The following MAGI2 variants were observed in gnomAD, a reference collection of about 807,000 sequenced individuals.
MAGI2 encodes membrane associated guanylate kinase, WW and PDZ domain containing 2, also known as membrane-associated guanylate kinase, WW and PDZ domain-containing protein 2.
A neutral mutation model predicts 133.3 loss-of-function variants in MAGI2; 35 were observed. The ratio of observed to expected loss-of-function variants is 0.26; its 90% CI spans 0.20 to 0.35. MAGI2 has a LOEUF of 0.35. Among genes scored for constraint, MAGI2 ranks in the 10% least tolerant of loss-of-function variants. The probability of loss-of-function intolerance (pLI) is 1.00; values close to 1 mark genes in which losing one functional copy is unlikely to be tolerated. For synonymous variants in MAGI2, 729 were observed against 710.6 expected (o/e 1.03, Z -0.41); for missense variants, 1,636 against 1,863.4 (o/e 0.88, Z 2.25).
intron 13 of MAGI2, among the ~76,000 whole-genome samples, chr7:78,183,926 A>G (rs905585847): frequency 1.3e-5 from 2 of 152,258 alleles, no homozygotes; most frequent in African/African-American, 4.8e-5. Context: ...ACTTGTGTGG[A>G]CATTCAACCA....
At chr7:78,856,607 C>G (rs1793656202) in intron 2 of MAGI2, among the ~76,000 whole-genome samples, 1 of 152,154 alleles carries the variant, frequency 6.6e-6, no homozygotes, top group African/African-American at 2.4e-5. Context: ...TTCCATTGGT[C>G]TATATCTCTG....
intron 2 of MAGI2, among the ~76,000 whole-genome samples, chr7:78,784,898 A>G (rs557028924): frequency 6.6e-6 from 1 of 152,294 alleles, no homozygotes; most frequent in South Asian, 2.1e-4. Flanking sequence ...GAAAGGTATA[A>G]TCTTTCCATC....
At chr7:79,223,250 G>C (rs1189960853) in intron 1 of MAGI2, among the ~76,000 whole-genome samples, 1 of 151,982 alleles carries the variant, frequency 6.6e-6, no homozygotes, top group Non-Finnish European at 1.5e-5. Flanking sequence ...CATTTATGTT[G>C]TTTTTAAATG....
chr7:79,425,884 T>C (rs1480367401), intron 1 of MAGI2, among the ~76,000 whole-genome samples: 3 of 152,058 alleles, frequency 2.0e-5, no homozygotes, highest in African/African-American at 7.2e-5. Flanking sequence ...GTGCAGATTG[T>C]TTAACGACAA....
At chr7:79,022,933 G>A (rs992163371) in intron 1 of MAGI2, among the ~76,000 whole-genome samples, 1 of 152,000 alleles carries the variant, frequency 6.6e-6, no homozygotes, top group Non-Finnish European at 1.5e-5. Context: ...ATAAGGAAGA[G>A]CTGGTACTAT....
At chr7:79,425,229 G>A (rs542320186) in intron 1 of MAGI2, among the ~76,000 whole-genome samples, 11 of 150,384 alleles carry the variant, frequency 7.3e-5, no homozygotes, top group African/African-American at 2.7e-4. Flanking sequence ...TCCAGCCTGG[G>A]CGACAGAGCG....
chr7:78,309,231 T>C (rs141724763), intron 9 of MAGI2, among the ~76,000 whole-genome samples: 2,221 of 152,314 alleles, frequency 0.015, 34 homozygotes, highest in South Asian at 0.061. Context: ...AAAAGACACA[T>C]GCATTTGTAT....
intron 21 of MAGI2, chr7:78,065,472 A>C: frequency 1.7e-6 from 1 of 573,944 alleles, no homozygotes; most frequent in Non-Finnish European, 3.1e-6. Context: ...AGAAATAATT[A>C]GACAAGCTAC....
intron 1 of MAGI2, among the ~76,000 whole-genome samples, chr7:79,306,261 TTA>T (rs1384807990): frequency 6.8e-6 from 1 of 146,752 alleles, no homozygotes; most frequent in African/African-American, 2.5e-5. Context: ...TTATTTATAT[TTA>T]TATATATTTT....
At chr7:78,321,436 A>C (rs1253026784) in intron 9 of MAGI2, among the ~76,000 whole-genome samples, 2 of 152,174 alleles carry the variant, frequency 1.3e-5, no homozygotes, top group African/African-American at 4.8e-5. Flanking sequence ...AGACCAGTGG[A>C]ACAGAACAGA....
At chr7:79,054,201 A>G (rs1459810855) in intron 1 of MAGI2, among the ~76,000 whole-genome samples, 2 of 152,162 alleles carry the variant, frequency 1.3e-5, no homozygotes, top group Non-Finnish European at 2.9e-5. Flanking sequence ...GTCTCAATCA[A>G]TCAATAAAAA....
At chr7:78,385,148 T>C (rs542784717) in intron 6 of MAGI2, among the ~76,000 whole-genome samples, 1 of 152,312 alleles carries the variant, frequency 6.6e-6, no homozygotes, top group East Asian at 1.9e-4. Flanking sequence ...TGTGTTTTCC[T>C]GTTAGAAAAA....
chr7:78,648,774 A>G (rs1217895095), intron 2 of MAGI2, among the ~76,000 whole-genome samples: 2 of 152,122 alleles, frequency 1.3e-5, no homozygotes, highest in Non-Finnish European at 2.9e-5. Context: ...ATAGACTTCC[A>G]ATTAATTCCT....
intron 1 of MAGI2, among the ~76,000 whole-genome samples, chr7:79,124,170 G>C (rs1350946254): frequency 6.6e-6 from 1 of 152,182 alleles, no homozygotes; most frequent in Non-Finnish European, 1.5e-5. Context: ...ACACCAGAAA[G>C]TGAGTGAGAC....
chr7:78,963,996 G>A (rs1218082960), intron 2 of MAGI2, among the ~76,000 whole-genome samples: 2 of 151,956 alleles, frequency 1.3e-5, no homozygotes, highest in African/African-American at 2.4e-5. Context: ...GGGAATGAGG[G>A]AGGAGGCCCA....
intron 10 of MAGI2, among the ~76,000 whole-genome samples, chr7:78,250,237 A>C (rs1792246887): frequency 6.6e-6 from 1 of 152,152 alleles, no homozygotes; most frequent in Non-Finnish European, 1.5e-5. Context: ...AGAAATCAAC[A>C]ATAGAAAAAG....
chr7:79,407,014 A>G (rs1845851707), intron 1 of MAGI2, among the ~76,000 whole-genome samples: 3 of 152,162 alleles, frequency 2.0e-5, no homozygotes, highest in Admixed American at 6.5e-5. Flanking sequence ...TCACAGTAGG[A>G]CCAATGATTT....
chr7:79,295,578 A>G (rs1445262694), intron 1 of MAGI2, among the ~76,000 whole-genome samples: 1 of 151,828 alleles, frequency 6.6e-6, no homozygotes, highest in African/African-American at 2.4e-5. Context: ...TATACTTCCT[A>G]TTCTTCCCAG....
intron 3 of MAGI2, among the ~76,000 whole-genome samples, chr7:78,619,985 G>A (rs576839816): frequency 9.2e-5 from 14 of 151,954 alleles, no homozygotes; most frequent in African/African-American, 3.4e-4. Context: ...ACCTGGATAT[G>A]TAAAAAACAG....
Sources: allele counts gnomAD v4.1 joint callset (sites outside exome capture counted in the v4.1 genomes callset), GRCh38; gene constraint gnomAD v4.1.1; transcripts MANE v1.5; gene names NCBI Gene and HGNC (gene_info 2026-07-23, HGNC 2026-07-21).